Variants in KDM6A observed in about 807,000 individuals in gnomAD.
KDM6A encodes lysine demethylase 6A, also known as lysine-specific demethylase 6A.
In KDM6A, 11 loss-of-function variants were observed where a neutral mutation model predicts 117.6. That is an observed-to-expected ratio of 0.09 (90% CI 0.06 to 0.15). The LOEUF is 0.15. KDM6A is among the 10% of genes least tolerant of loss of function. The pLI is 1.00. For synonymous variants in KDM6A, 384 were observed against 396.1 expected, an observed-to-expected ratio of 0.97 and a Z score of 0.36; for missense variants, 799 against 1,077.3, an observed-to-expected ratio of 0.74 and a Z score of 3.62.
intron 2 of KDM6A, among the ~76,000 whole-genome samples, chrX:44,931,956 G>A (rs749551237): frequency 1.3e-4 from 14 of 110,045 alleles, no homozygotes; most frequent in South Asian, 3.9e-4. Flanking sequence ...CCTTGGAATC[G>A]AGAAATGGAT....
At chrX:45,044,210 C>A (rs1436824215) in intron 8 of KDM6A, among the ~76,000 whole-genome samples, 1 of 111,794 alleles carries the variant, frequency 8.9e-6, no homozygotes, top group Non-Finnish European at 1.9e-5. Flanking sequence ...GTCAATTATT[C>A]TTGAACATTT....
chrX:45,006,879 C>T (rs1317870259), intron 4 of KDM6A, among the ~76,000 whole-genome samples: 2 of 108,644 alleles, frequency 1.8e-5, no homozygotes, highest in African/African-American at 3.4e-5. Flanking sequence ...TACAGTGAGC[C>T]GAGATCACAC....
At chrX:45,062,529 G>A in intron 15 of KDM6A, 118 bp from the exon 16 acceptor site, 1 of 513,587 alleles carries the variant, frequency 1.9e-6, no homozygotes, top group South Asian at 2.7e-5. Flanking sequence ...TCAGAAGACA[G>A]TGTGTTTGAC....
At chrX:44,922,257 T>TG (rs1410043321) in intron 2 of KDM6A, among the ~76,000 whole-genome samples, 1 of 106,536 alleles carries the variant, frequency 9.4e-6, no homozygotes, top group Non-Finnish European at 1.9e-5. Context: ...TTGCCCAGGC[T>TG]GGTCCAGGCT....
chrX:45,111,102 T>C (rs912641135), intron 29 of KDM6A, among the ~76,000 whole-genome samples: 5 of 111,770 alleles, frequency 4.5e-5, no homozygotes, highest in African/African-American at 1.6e-4. Flanking sequence ...TTAAGCAATC[T>C]TAAAAAATGG....
chrX:44,952,720 T>A (rs1569477609), intron 2 of KDM6A, among the ~76,000 whole-genome samples: 1 of 111,931 alleles, frequency 8.9e-6, no homozygotes, highest in Admixed American at 9.5e-5. Context: ...TCCTTTTTTC[T>A]TCCCTCCATC....
chrX:44,899,046 T>TGTGTGTGTGTG (rs2034134308), intron 2 of KDM6A, among the ~76,000 whole-genome samples: 8 of 100,125 alleles, frequency 8.0e-5, no homozygotes, highest in African/African-American at 3.0e-4. Context: ...TGTTTGTTTG[T>TGTGTGTGTGTG]TTTCCATTGG....
rs747260329 is a variant in KDM6A, at chrX:45,079,346, T to G, written c.3295T>G (p.Leu1099Val). 1.7e-6 allele frequency: 2 copies of G among 1,162,036 alleles called. No homozygotes were observed. Among genetic ancestry groups the G allele is most frequent in the South Asian group, 3.6e-5 (2 of 55,688 alleles). The change falls in exon 21 of 30, where the codon TTG becomes GTG. Residue 1099 changes from leucine to valine, a missense_variant. Around this residue, in one of 8 missense-constraint regions of KDM6A, gnomAD observed 291 missense variants for 437.9 expected, o/e 0.66. Transcript: ENST00000611820. Reference protein sequence around the residue: ...QYQASSFQESLREENEKRSHH... With the variant: ...QYQASSFQESVREENEKRSHH... ...CCAGGCCTCCTCATTCCAGGAATCATTGAGAGTAAGTATTTGTATCCTAAA... is the reference window on the plus strand; with the variant it reads ...CCAGGCCTCCTCATTCCAGGAATCAGTGAGAGTAAGTATTTGTATCCTAAA...
At chrX:45,024,499 T>C (rs915623862) in intron 6 of KDM6A, among the ~76,000 whole-genome samples, 4 of 111,760 alleles carry the variant, frequency 3.6e-5, no homozygotes, top group African/African-American at 6.5e-5. Flanking sequence ...TGTTTTTTTT[T>C]CTTGCTGATT....
chrX:44,988,442 G>A (rs746244443), intron 4 of KDM6A, among the ~76,000 whole-genome samples: 32 of 111,547 alleles, frequency 2.9e-4, no homozygotes, highest in African/African-American at 3.3e-4. Flanking sequence ...GCTTTGTTCC[G>A]TTGCTGGTGA....
intron 2 of KDM6A, among the ~76,000 whole-genome samples, chrX:44,920,867 TTTTC>T (rs1367688577): frequency 1.9e-5 from 2 of 107,491 alleles, no homozygotes; most frequent in African/African-American, 3.4e-5. Flanking sequence ...CTTTTTTTTC[TTTTC>T]TTTTTCTTTT....
intron 3 of KDM6A, among the ~76,000 whole-genome samples, chrX:44,966,187 G>T (rs2039001646): frequency 9.2e-6 from 1 of 109,186 alleles, no homozygotes; most frequent in African/African-American, 3.3e-5. Context: ...TGTCACCCAG[G>T]CTGGAGTGCA....
At chrX:45,019,513 G>T (rs1442835555) in intron 5 of KDM6A, among the ~76,000 whole-genome samples, 2 of 112,110 alleles carry the variant, frequency 1.8e-5, no homozygotes, top group Non-Finnish European at 3.8e-5. Flanking sequence ...CTAAATACAT[G>T]AAGTATTATT....
At chrX:45,023,839 T>C (rs1421038936) in intron 6 of KDM6A, among the ~76,000 whole-genome samples, 1 of 111,160 alleles carries the variant, frequency 9.0e-6, no homozygotes, top group Admixed American at 9.6e-5. Flanking sequence ...CTCATTCTTA[T>C]ACCTTTGCAT....
intron 4 of KDM6A, among the ~76,000 whole-genome samples, chrX:44,979,904 G>T (rs1390178566): frequency 9.0e-6 from 1 of 110,631 alleles, no homozygotes; most frequent in African/African-American, 3.3e-5. Context: ...TGATCTGTGT[G>T]TCTGTTTTTA....
intron 27 of KDM6A, among the ~76,000 whole-genome samples, chrX:45,093,733 TAC>T (rs2045990601): frequency 9.0e-6 from 1 of 111,417 alleles, no homozygotes; most frequent in South Asian, 3.8e-4. Flanking sequence ...ATATTCTTGA[TAC>T]CCTTTGAGAC....
At chrX:45,040,161 C>T (rs377364463) in intron 8 of KDM6A, among the ~76,000 whole-genome samples, 44 of 79,052 alleles carry the variant, frequency 5.6e-4, no homozygotes, top group Admixed American at 7.9e-4. Context: ...ACCATCCTCC[C>T]GGACGGGGCG....
chrX:45,026,328 G>A (rs2042364399), intron 6 of KDM6A, among the ~76,000 whole-genome samples: 1 of 111,321 alleles, frequency 9.0e-6, no homozygotes. Flanking sequence ...TCATTACGAG[G>A]TGTCTCATTT....
At chrX:44,938,717 A>G (rs2037120627) in intron 2 of KDM6A, among the ~76,000 whole-genome samples, 1 of 112,397 alleles carries the variant, frequency 8.9e-6, no homozygotes, top group Non-Finnish European at 1.9e-5. Context: ...CTAGAGGAAA[A>G]GTCAAGGCTT....
Sources: gnomAD v4.1 joint callset for allele counts (sites outside exome capture counted in the v4.1 genomes callset) on GRCh38, gnomAD v4.1.1 for gene constraint, gnomAD v4.1.1 regional missense constraint, MANE v1.5 for transcripts, NCBI Gene and HGNC (gene_info 2026-07-23, HGNC 2026-07-21) for gene names.